The following TMEM207 variants were observed in gnomAD, a reference collection of about 807,000 sequenced individuals.
TMEM207 encodes the protein transmembrane protein 207.
TMEM207 carries 15 observed loss-of-function variants against 17.4 expected under a neutral mutation model. That is an observed-to-expected ratio of 0.86 (90% CI 0.58 to 1.33). The LOEUF is 1.33. TMEM207 is among the 40% of genes most tolerant of loss of function. The pLI, the probability that TMEM207 is intolerant of heterozygous loss-of-function variation, is 0.00. For missense variants in TMEM207, 205 were observed against 173.8 expected (o/e 1.18, Z -1.01); for synonymous variants, 70 against 65.6 (o/e 1.07, Z -0.33).
At chr3:190,438,927 C>A (rs1480639166) in intron 4 of TMEM207, among the ~76,000 whole-genome samples, 1 of 152,104 alleles carries the variant, frequency 6.6e-6, no homozygotes, top group Admixed American at 6.5e-5. Context: ...CGGTGGCTCA[C>A]GCCTGTAATC....
chr3:190,448,544 A>T (rs1255383615), intron 1 of TMEM207, among the ~76,000 whole-genome samples: 1 of 152,158 alleles, frequency 6.6e-6, no homozygotes, highest in East Asian at 1.9e-4. Context: ...TAAAGATCTT[A>T]TTATCTATTT....
In TMEM207 at chr3:190,440,330, A is replaced by G; in HGVS notation, c.218T>C (p.Leu73Pro). 1 of 1,614,088 alleles carries G rather than the reference A, an allele frequency of 6.2e-7. No homozygotes were observed. The highest frequency in any genetic ancestry group is 8.5e-7 in the Non-Finnish European group (1 of 1,179,996). ...ALLCGAVVLC[L>P]QCWLRRPRID... ...TCGGGGTCTCCTCAGCCAGCACTGG[A>G]GGCAGAGGACCACAGCTCCACAGAG... Residue 73 changes from leucine (L) to proline (P), a missense_variant, in exon 4 of 5, where the codon CTC becomes CCC. By Grantham distance (98) the Leu-to-Pro change is moderately conservative. Coordinates refer to ENST00000354905, the MANE Select transcript of TMEM207 (RefSeq NM_207316.3).
At chr3:190,434,626 A>T (rs116537319) in intron 4 of TMEM207, among the ~76,000 whole-genome samples, 1,719 of 152,356 alleles carry the variant, frequency 0.011, 28 homozygotes, top group African/African-American at 0.04. Context: ...AGAATGAAAA[A>T]AAATTACCTC....
intron 4 of TMEM207, among the ~76,000 whole-genome samples, chr3:190,432,460 T>A (rs572230111): frequency 6.6e-6 from 1 of 152,318 alleles, no homozygotes; most frequent in African/African-American, 2.4e-5. Context: ...GGATGTCAAG[T>A]GTTAGCACAG....
intron 4 of TMEM207, among the ~76,000 whole-genome samples, chr3:190,438,675 T>C (rs550618416): frequency 3.4e-4 from 52 of 152,342 alleles, no homozygotes; most frequent in African/African-American, 1.1e-3. Context: ...TTTTTCTTTT[T>C]AGAAACTTAA....
In TMEM207 at chr3:190,440,276, A is replaced by G; in HGVS notation, c.272T>C (p.Val91Ala). ...RIDSHRRTMAVFAVGDLDSIY... is the reference protein window; with the variant it reads ...RIDSHRRTMAAFAVGDLDSIY... ...AGAGTCCAAGTCTCCAACAGCAAAA[A>G]CTGCCATGGTGCGCCTGTGAGAATC... Residue 91 changes from valine to alanine, a missense_variant, in exon 4 of 5, where the codon GTT becomes GCT. Coordinates refer to ENST00000354905, the MANE Select transcript of TMEM207 (RefSeq NM_207316.3). 6.2e-7 allele frequency: 1 copy of G among 1,613,986 alleles called. No homozygotes were observed. Among genetic ancestry groups the G allele is most frequent in the Non-Finnish European group, 8.5e-7 (1 of 1,179,964 alleles).
At chr3:190,441,806 A>G (rs1441802276) in intron 2 of TMEM207, among the ~76,000 whole-genome samples, 1 of 152,178 alleles carries the variant, frequency 6.6e-6, no homozygotes, top group African/African-American at 2.4e-5. Context: ...GGGACAACAA[A>G]TCGTAGGTGT....
intron 2 of TMEM207, 67 bp downstream of exon 2, chr3:190,447,723 G>T: frequency 6.5e-7 from 1 of 1,531,286 alleles, no homozygotes. Context: ...AATGGCTTGA[G>T]CCTTTTTTAT....
intron 1 of TMEM207, among the ~76,000 whole-genome samples, chr3:190,449,017 T>C (rs1167007223): frequency 6.6e-6 from 1 of 152,310 alleles, no homozygotes; most frequent in African/African-American, 2.4e-5. Flanking sequence ...TATGAGTAGA[T>C]GAAATCGTTT....
chr3:190,449,640 G>T, intron 1 of TMEM207, 95 bp downstream of exon 1: 1 of 1,089,722 alleles, frequency 9.2e-7, no homozygotes, highest in Middle Eastern at 2.0e-4. Context: ...TGTAGAAGCA[G>T]TTAAGTTGCT....
chr3:190,443,423 C>T (rs893283878), intron 2 of TMEM207, among the ~76,000 whole-genome samples: 2 of 151,912 alleles, frequency 1.3e-5, no homozygotes, highest in Non-Finnish European at 2.9e-5. Context: ...TGAGCTGGTG[C>T]ACCCTCTGGT....
At chr3:190,445,258 A>T (rs561936826) in intron 2 of TMEM207, among the ~76,000 whole-genome samples, 1 of 152,244 alleles carries the variant, frequency 6.6e-6, no homozygotes, top group Non-Finnish European at 1.5e-5. Flanking sequence ...TATATTTCAT[A>T]AATCAATCTA....
intron 4 of TMEM207, among the ~76,000 whole-genome samples, chr3:190,435,269 T>G (rs959999701): frequency 7.2e-5 from 11 of 152,222 alleles, no homozygotes; most frequent in Non-Finnish European, 1.2e-4. Context: ...CTCCTTGGAT[T>G]GCAGATGGCC....
chr3:190,432,198 C>T (rs1719705572), intron 4 of TMEM207, among the ~76,000 whole-genome samples: 1 of 152,284 alleles, frequency 6.6e-6, no homozygotes, highest in East Asian at 1.9e-4. Context: ...GTTGAGATTT[C>T]CTATGTTTTT....
At chr3:190,433,259 G>A (rs1234255925) in intron 4 of TMEM207, among the ~76,000 whole-genome samples, 1 of 151,768 alleles carries the variant, frequency 6.6e-6, no homozygotes, top group Non-Finnish European at 1.5e-5. Context: ...ATTAAGATGG[G>A]CTTTTATTCA....
intron 4 of TMEM207, among the ~76,000 whole-genome samples, chr3:190,438,281 G>T (rs1719846795): frequency 6.7e-6 from 1 of 149,796 alleles, no homozygotes; most frequent in Non-Finnish European, 1.5e-5. Context: ...TATCCCCAAG[G>T]TTGTTTGGTT....
chr3:190,445,764 G>A (rs187699466), intron 2 of TMEM207, among the ~76,000 whole-genome samples: 30 of 152,300 alleles, frequency 2.0e-4, no homozygotes, highest in Admixed American at 3.9e-4. Context: ...CACCTCAGGT[G>A]ATCCACCCAC....
intron 4 of TMEM207, among the ~76,000 whole-genome samples, chr3:190,439,131 C>T (rs146007352): frequency 2.4e-4 from 34 of 144,546 alleles, no homozygotes; most frequent in African/African-American, 8.1e-4. Flanking sequence ...GAGCGGAGAT[C>T]GCGCCACGGC....
intron 4 of TMEM207, among the ~76,000 whole-genome samples, chr3:190,431,735 G>C (rs1046436664): frequency 6.6e-6 from 1 of 152,090 alleles, no homozygotes; most frequent in Non-Finnish European, 1.5e-5. Context: ...AAACTGACTT[G>C]ACACATCTAT....
Sources: gnomAD v4.1 joint callset for allele counts (sites outside exome capture counted in the v4.1 genomes callset) on GRCh38, gnomAD v4.1.1 for gene constraint, MANE v1.5 for transcripts, NCBI Gene and HGNC (gene_info 2026-07-23, HGNC 2026-07-21) for gene names.